The following AGBL4 variants were observed in gnomAD, a reference collection of about 807,000 sequenced individuals.
The protein encoded by AGBL4 is cytosolic carboxypeptidase 6.
Under a neutral mutation model 66.4 loss-of-function variants are expected in AGBL4, and 58 were observed. That is an observed-to-expected ratio of 0.87 (90% CI 0.71 to 1.09). The LOEUF is 1.09. Ranked by LOEUF, AGBL4 falls within the 50% of genes least tolerant of loss-of-function variation. The probability of loss-of-function intolerance (pLI) is 0.00; values close to 1 mark genes in which losing one functional copy is unlikely to be tolerated. For synonymous variants in AGBL4, 234 were observed against 222.9 expected (o/e 1.05, Z -0.44); for missense variants, 579 against 631.0 (o/e 0.92, Z 0.88).
chr1:49,732,814 C>A (rs1558200784), intron 2 of AGBL4, among the ~76,000 whole-genome samples: 1 of 151,844 alleles, frequency 6.6e-6, no homozygotes, highest in African/African-American at 2.4e-5. Flanking sequence ...GTATTTACCC[C>A]AAAGAGAGGA....
At chr1:48,611,487 A>T (rs1194872543) in intron 9 of AGBL4, among the ~76,000 whole-genome samples, 1 of 152,198 alleles carries the variant, frequency 6.6e-6, no homozygotes, top group Non-Finnish European at 1.5e-5. Context: ...TAAAATGGGG[A>T]TAATAATATC....
chr1:48,579,552 T>C (rs553768975), intron 11 of AGBL4, among the ~76,000 whole-genome samples: 1 of 151,560 alleles, frequency 6.6e-6, no homozygotes, highest in African/African-American at 2.4e-5. Flanking sequence ...CATATTGTTT[T>C]CGAATCAAGA....
intron 1 of AGBL4, among the ~76,000 whole-genome samples, chr1:49,875,576 T>C (rs1158790517): frequency 2.7e-5 from 4 of 148,100 alleles, no homozygotes; most frequent in Non-Finnish European, 6.0e-5. Flanking sequence ...TTTGGGTTGG[T>C]TCCAAGTCTT....
At chr1:48,809,624 T>C (rs538719952) in intron 6 of AGBL4, among the ~76,000 whole-genome samples, 1 of 152,168 alleles carries the variant, frequency 6.6e-6, no homozygotes, top group Non-Finnish European at 1.5e-5. Flanking sequence ...GGTAGAGGAA[T>C]GAGGCAGCAA....
intron 3 of AGBL4, among the ~76,000 whole-genome samples, chr1:49,638,053 T>C (rs1645712428): frequency 6.6e-6 from 1 of 152,210 alleles, no homozygotes; most frequent in Admixed American, 6.5e-5. Flanking sequence ...AGACAGGCAC[T>C]TTCATGCACT....
At chr1:49,380,980 A>C (rs371142750) in intron 3 of AGBL4, among the ~76,000 whole-genome samples, 4 of 152,134 alleles carry the variant, frequency 2.6e-5, no homozygotes, top group African/African-American at 9.7e-5. Context: ...GCAACAAAAG[A>C]CAAAATCGAC....
At position 48,688,448 on chromosome 1, in the gene AGBL4, T is replaced by C. The variant is rs543781893; in HGVS notation, c.635-25207A>G. 6.4e-4 allele frequency among the ~76,000 whole-genome samples: 98 copies of C among 152,378 alleles called. 1 individual carries two copies. Among genetic ancestry groups the C allele is most frequent in the African/African-American group, 2.2e-3 (93 of 41,598 alleles). On this transcript the variant is annotated intron_variant, in intron 6 of 13. Coordinates refer to ENST00000371839, the MANE Select transcript of AGBL4 (RefSeq NM_032785.4). ...TTCAGAATCCTGAAGATGTCTTGCC[T>C]GTCTTTAAGGCTTAACTCTTGTTCC...
intron 11 of AGBL4, among the ~76,000 whole-genome samples, chr1:48,564,297 A>C (rs1468656315): frequency 4.6e-5 from 7 of 152,106 alleles, no homozygotes; most frequent in Non-Finnish European, 8.8e-5. Flanking sequence ...CCTTTTCAAC[A>C]GTTCTGTACT....
chr1:49,529,132 C>A (rs1339576848), intron 3 of AGBL4, among the ~76,000 whole-genome samples: 1 of 151,830 alleles, frequency 6.6e-6, no homozygotes, highest in Non-Finnish European at 1.5e-5. Context: ...ACCATAAACA[C>A]AAAAAGGCTA....
At chr1:48,933,703 C>T (rs974646185) in intron 5 of AGBL4, among the ~76,000 whole-genome samples, 9 of 152,170 alleles carry the variant, frequency 5.9e-5, no homozygotes, top group Admixed American at 3.3e-4. Context: ...GTTTCTCTGT[C>T]AGGCCTCTGC....
intron 5 of AGBL4, among the ~76,000 whole-genome samples, chr1:48,971,057 G>T (rs144261296): frequency 6.6e-6 from 1 of 152,058 alleles, no homozygotes. Context: ...TCACTCAGTA[G>T]ACAGTAGATT....
chr1:49,053,856 A>C (rs1430469103), intron 4 of AGBL4, among the ~76,000 whole-genome samples: 1 of 152,174 alleles, frequency 6.6e-6, no homozygotes, highest in African/African-American at 2.4e-5. Flanking sequence ...TATGATCCTG[A>C]TAGGGATGTA....
At chr1:48,742,147 C>T (rs1650014017) in intron 6 of AGBL4, among the ~76,000 whole-genome samples, 1 of 152,154 alleles carries the variant, frequency 6.6e-6, no homozygotes, top group African/African-American at 2.4e-5. Context: ...CTTGTTCTTC[C>T]CTGTATTCCT....
intron 6 of AGBL4, chr1:48,776,851 C>T (rs990639885): frequency 4.4e-5 from 66 of 1,486,800 alleles, no homozygotes; most frequent in Non-Finnish European, 5.5e-5. Context: ...CGGGGGCGGG[C>T]CCCGGTCGGG....
intron 3 of AGBL4, among the ~76,000 whole-genome samples, chr1:49,569,465 A>G (rs1644282754): frequency 6.6e-6 from 1 of 152,172 alleles, no homozygotes; most frequent in African/African-American, 2.4e-5. Context: ...CATTATTAAA[A>G]CATTTCATGT....
chr1:49,974,773 C>G (rs1428403100), intron 1 of AGBL4, among the ~76,000 whole-genome samples: 21 of 152,254 alleles, frequency 1.4e-4, no homozygotes, highest in Admixed American at 1.3e-3. Flanking sequence ...GAAAGAAGTT[C>G]ACACTTAACT....
intron 6 of AGBL4, among the ~76,000 whole-genome samples, chr1:48,673,978 C>G (rs1444140873): frequency 6.6e-6 from 1 of 152,194 alleles, no homozygotes; most frequent in Non-Finnish European, 1.5e-5. Flanking sequence ...ATGGATCTCA[C>G]TCCCGTACTC....
chr1:48,911,619 CA>C (rs746193402), intron 5 of AGBL4, among the ~76,000 whole-genome samples: 11,841 of 70,358 alleles, frequency 0.17, 387 homozygotes, highest in Non-Finnish European at 0.2. Context: ...AACTCCGTCT[CA>C]AAAAAAAAAA....
chr1:49,930,914 G>A (rs921943744), intron 1 of AGBL4, among the ~76,000 whole-genome samples: 1 of 152,014 alleles, frequency 6.6e-6, no homozygotes, highest in Non-Finnish European at 1.5e-5. Flanking sequence ...AGGTAAATGA[G>A]GCAAGAAAAA....
Sources: gnomAD v4.1 joint callset for allele counts (sites outside exome capture counted in the v4.1 genomes callset) on GRCh38, gnomAD v4.1.1 for gene constraint, MANE v1.5 for transcripts, NCBI Gene and HGNC (gene_info 2026-07-23, HGNC 2026-07-21) for gene names.